SLC71A2: variants seen among roughly 807,000 people sequenced by gnomAD.
SLC71A2 encodes solute carrier family 71 member 2.
chr9:94,396,328 C>T, the SLC71A2 span, among the ~76,000 whole-genome samples: 1 of 152,060 alleles, frequency 6.6e-6, no homozygotes, highest in Admixed American at 6.6e-5. Flanking sequence ...CCAGCCTAGG[C>T]AACATACTGA....
the SLC71A2 span, among the ~76,000 whole-genome samples, chr9:94,428,665 C>A: frequency 7.4e-6 from 1 of 136,006 alleles, no homozygotes; most frequent in Non-Finnish European, 1.6e-5. Flanking sequence ...GATGAACTTA[C>A]ATTGACATAC....
chr9:94,434,002 CTT>C, the SLC71A2 span, among the ~76,000 whole-genome samples: 1 of 151,876 alleles, frequency 6.6e-6, no homozygotes, highest in Non-Finnish European at 1.5e-5. Context: ...TACAACAGAC[CTT>C]TATGAACTGC....
the SLC71A2 span, among the ~76,000 whole-genome samples, chr9:94,455,375 C>T: frequency 5.8e-5 from 5 of 85,598 alleles, no homozygotes; most frequent in Admixed American, 1.6e-4. Context: ...GGCTAATATT[C>T]TGATTTTTTT....
chr9:94,388,473 AT>A, the SLC71A2 span, among the ~76,000 whole-genome samples: 1 of 152,232 alleles, frequency 6.6e-6, no homozygotes, highest in African/African-American at 2.4e-5. Flanking sequence ...GTATGTACTA[AT>A]TGTATATATT....
the SLC71A2 span, among the ~76,000 whole-genome samples, chr9:94,417,868 CCCCCCCCCG>C: frequency 2.0e-5 from 1 of 49,502 alleles, no homozygotes; most frequent in African/African-American, 9.1e-5. Flanking sequence ...ACCCCCCCCC[CCCCCCCCCG>C]ACAGAGTCTT....
chr9:94,421,294 G>A, the SLC71A2 span, among the ~76,000 whole-genome samples: 2 of 152,142 alleles, frequency 1.3e-5, no homozygotes, highest in Non-Finnish European at 2.9e-5. Flanking sequence ...TACACAGCTT[G>A]ATGAATTTTT....
the SLC71A2 span, among the ~76,000 whole-genome samples, chr9:94,439,884 AT>A: frequency 6.6e-6 from 1 of 151,788 alleles, no homozygotes; most frequent in South Asian, 2.1e-4. Context: ...TCTGTAAATA[AT>A]TTTTTCTTTT....
At chr9:94,432,268 AG>A in the SLC71A2 span, among the ~76,000 whole-genome samples, 2 of 152,154 alleles carry the variant, frequency 1.3e-5, no homozygotes, top group South Asian at 4.1e-4. Context: ...TGGGAGGCCG[AG>A]GTGGGCTGAT....
At chr9:94,388,626 C>A in the SLC71A2 span, among the ~76,000 whole-genome samples, 1 of 151,802 alleles carries the variant, frequency 6.6e-6, no homozygotes, top group Admixed American at 6.6e-5. Flanking sequence ...TTATGTAAAT[C>A]GGCTACACAA....
the SLC71A2 span, among the ~76,000 whole-genome samples, chr9:94,386,086 T>G: frequency 5.1e-4 from 77 of 152,270 alleles, no homozygotes; most frequent in Non-Finnish European, 9.3e-4. Context: ...TAGTAAGTCT[T>G]CCTTCCTGTG....
the SLC71A2 span, among the ~76,000 whole-genome samples, chr9:94,398,507 C>T: frequency 6.6e-4 from 100 of 152,258 alleles, no homozygotes; most frequent in African/African-American, 2.2e-3. Flanking sequence ...TGAAGACCTT[C>T]CTCTGGAGCC....
At chr9:94,459,255 C>G in the SLC71A2 span, 1 of 1,613,978 alleles carries the variant, frequency 6.2e-7, no homozygotes, top group South Asian at 1.1e-5. Flanking sequence ...TACAGTAAAG[C>G]CAGTGGAGTT....
chr9:94,459,514 A>G, the SLC71A2 span: 4 of 1,273,198 alleles, frequency 3.1e-6, no homozygotes, highest in Non-Finnish European at 3.3e-6. Flanking sequence ...CGCTAGCGGC[A>G]TCCTTCAGGG....
chr9:94,458,319 T>C, the SLC71A2 span: 1 of 1,605,228 alleles, frequency 6.2e-7, no homozygotes. Flanking sequence ...TGTTCTGATT[T>C]AGGAGTTGCC....
At chr9:94,445,430 G>A in the SLC71A2 span, among the ~76,000 whole-genome samples, 1 of 152,188 alleles carries the variant, frequency 6.6e-6, no homozygotes, top group Non-Finnish European at 1.5e-5. Flanking sequence ...GAGAGTTTGG[G>A]AAGAGAGTTT....
At chr9:94,380,052 G>C in the SLC71A2 span, among the ~76,000 whole-genome samples, 2 of 152,200 alleles carry the variant, frequency 1.3e-5, no homozygotes, top group Non-Finnish European at 2.9e-5. Flanking sequence ...CGGATCACGA[G>C]GTCAGGAGAT....
the SLC71A2 span, among the ~76,000 whole-genome samples, chr9:94,408,389 T>C: frequency 6.6e-6 from 1 of 152,172 alleles, no homozygotes; most frequent in Non-Finnish European, 1.5e-5. Flanking sequence ...TGTATCCTCC[T>C]TGGATAAGGG....
chr9:94,410,519 C>T, the SLC71A2 span, among the ~76,000 whole-genome samples: 65 of 152,026 alleles, frequency 4.3e-4, no homozygotes, highest in East Asian at 9.9e-3. Context: ...CACCACCGCT[C>T]CTGGCTGAGA....
the SLC71A2 span, among the ~76,000 whole-genome samples, chr9:94,402,548 A>G: frequency 6.6e-6 from 1 of 152,038 alleles, no homozygotes; most frequent in East Asian, 1.9e-4. Flanking sequence ...CCATTTTTTA[A>G]TTGGGTTGTT....
Sources: allele counts gnomAD v4.1 joint callset (sites outside exome capture counted in the v4.1 genomes callset), GRCh38; gene constraint gnomAD v4.1.1; transcripts MANE v1.5; gene names NCBI Gene and HGNC (gene_info 2026-07-23, HGNC 2026-07-21).